The following GALNT13 variants were observed in gnomAD, a reference collection of about 807,000 sequenced individuals.
GALNT13 encodes the protein UDP-GalNAc:polypeptide N-acetylgalactosaminyltransferase 13.
GALNT13 carries 28 observed loss-of-function variants against 64.2 expected under a neutral mutation model. The ratio of observed to expected loss-of-function variants is 0.44; its 90% CI spans 0.32 to 0.60. GALNT13 has a LOEUF of 0.60. Among genes scored for constraint, GALNT13 ranks in the 20% least tolerant of loss-of-function variants. The pLI is 0.05. For missense variants in GALNT13, 577 were observed against 669.8 expected, an observed-to-expected ratio of 0.86 and a Z score of 1.53; for synonymous variants, 214 against 224.6, an observed-to-expected ratio of 0.95 and a Z score of 0.42.
At chr2:153,705,818 A>G in the GALNT13 span, among the ~76,000 whole-genome samples, 1 of 152,200 alleles carries the variant, frequency 6.6e-6, no homozygotes, top group Non-Finnish European at 1.5e-5. Context: ...GGCAAAGGTC[A>G]TGGATCAGAG....
At chr2:153,407,935 C>A in the GALNT13 span, among the ~76,000 whole-genome samples, 1 of 152,108 alleles carries the variant, frequency 6.6e-6, no homozygotes, top group Admixed American at 6.5e-5. Context: ...ATGGAAGGGG[C>A]ACTAGCAGTA....
At chr2:154,420,668 C>G (rs777071128) in intron 11 of GALNT13, among the ~76,000 whole-genome samples, 7 of 152,090 alleles carry the variant, frequency 4.6e-5, no homozygotes, top group African/African-American at 9.7e-5. Context: ...CACCCTTAGA[C>G]TAGCTGTATG....
chr2:153,315,180 T>A, the GALNT13 span, among the ~76,000 whole-genome samples: 1 of 152,226 alleles, frequency 6.6e-6, no homozygotes, highest in Non-Finnish European at 1.5e-5. Context: ...CAACAACCTT[T>A]TTTTGTTCAT....
chr2:153,898,856 C>CAAAA (rs35168611), intron 1 of GALNT13, among the ~76,000 whole-genome samples: 2 of 99,358 alleles, frequency 2.0e-5, no homozygotes, highest in South Asian at 3.2e-4. Context: ...AGTTGCACAG[C>CAAAA]AAAAAAAAAA....
At chr2:153,164,419 T>C in the GALNT13 span, among the ~76,000 whole-genome samples, 2 of 152,106 alleles carry the variant, frequency 1.3e-5, no homozygotes, top group African/African-American at 4.8e-5. Flanking sequence ...CTTGAGAAAA[T>C]GTCTTTATGA....
intron 9 of GALNT13, among the ~76,000 whole-genome samples, chr2:154,374,879 A>T (rs1371200378): frequency 6.6e-6 from 1 of 152,270 alleles, no homozygotes; most frequent in Non-Finnish European, 1.5e-5. Flanking sequence ...TAATAGATAG[A>T]TAGTGATTTA....
chr2:154,242,487 T>C (rs1689547789), intron 5 of GALNT13, among the ~76,000 whole-genome samples: 1 of 152,034 alleles, frequency 6.6e-6, no homozygotes, highest in South Asian at 2.1e-4. Context: ...TCCAACTCAA[T>C]TGATTATATT....
At chr2:153,221,488 A>G in the GALNT13 span, among the ~76,000 whole-genome samples, 1 of 152,196 alleles carries the variant, frequency 6.6e-6, no homozygotes, top group South Asian at 2.1e-4. Context: ...AAAGATTATC[A>G]TGGATACAGA....
chr2:154,450,576 A>G lies in GALNT13; in HGVS notation c.*25A>G, dbSNP rs778819349. ...AAGATCATGTCCTCCAAGCCATGAA[A>G]GTGTCTACGCTTTTGTTTTTCCATT... On this transcript the variant is annotated 3_prime_UTR_variant, in exon 13 of 13. Coordinates refer to ENST00000392825, the MANE Select transcript of GALNT13 (RefSeq NM_052917.4). 13 of 1,561,284 alleles carry G rather than the reference A, an allele frequency of 8.3e-6. 1 individual carries two copies. Among genetic ancestry groups the G allele is most frequent in the Middle Eastern group, 1.7e-4 (1 of 5,786 alleles).
the GALNT13 span, among the ~76,000 whole-genome samples, chr2:153,226,199 TG>T: frequency 6.6e-6 from 1 of 152,030 alleles, no homozygotes; most frequent in Non-Finnish European, 1.5e-5. Context: ...CCCAAAGTGC[TG>T]GGATTACAGG....
chr2:153,846,843 G>A, the GALNT13 span, among the ~76,000 whole-genome samples: 1 of 152,234 alleles, frequency 6.6e-6, no homozygotes, highest in South Asian at 2.1e-4. Flanking sequence ...GGCATAATTT[G>A]CATGTCTATA....
chr2:153,845,285 C>T, the GALNT13 span, among the ~76,000 whole-genome samples: 1 of 152,186 alleles, frequency 6.6e-6, no homozygotes, highest in Non-Finnish European at 1.5e-5. Context: ...GCAAGATTTT[C>T]AGGAAGCACG....
At chr2:154,100,014 A>G (rs1262754125) in intron 3 of GALNT13, among the ~76,000 whole-genome samples, 1 of 152,224 alleles carries the variant, frequency 6.6e-6, no homozygotes, top group East Asian at 1.9e-4. Flanking sequence ...AAGAGCAGTT[A>G]GCTATAGTTA....
the GALNT13 span, among the ~76,000 whole-genome samples, chr2:153,107,655 G>T: frequency 6.6e-6 from 1 of 152,092 alleles, no homozygotes; most frequent in Non-Finnish European, 1.5e-5. Context: ...ATTTGTATTT[G>T]CCTTTGGAAG....
At chr2:153,437,066 C>T in the GALNT13 span, among the ~76,000 whole-genome samples, 3 of 152,022 alleles carry the variant, frequency 2.0e-5, no homozygotes, top group African/African-American at 7.2e-5. Flanking sequence ...TTTATTTTAG[C>T]CTTCATTTCG....
At chr2:153,799,295 G>A in the GALNT13 span, among the ~76,000 whole-genome samples, 1 of 152,070 alleles carries the variant, frequency 6.6e-6, no homozygotes, top group Middle Eastern at 3.2e-3. Context: ...AAATGAAAAG[G>A]ACAGCTGCAT....
intron 3 of GALNT13, among the ~76,000 whole-genome samples, chr2:154,025,717 C>G (rs1296080836): frequency 2.6e-5 from 4 of 152,134 alleles, no homozygotes; most frequent in Non-Finnish European, 5.9e-5. Flanking sequence ...CATTTTGACA[C>G]AACTAACCAG....
intron 1 of GALNT13, among the ~76,000 whole-genome samples, chr2:153,878,273 T>C (rs1384576344): frequency 6.6e-6 from 1 of 152,186 alleles, no homozygotes; most frequent in Non-Finnish European, 1.5e-5. Context: ...TTCCACATTG[T>C]ACTCATTTTC....
chr2:153,398,565 C>T, the GALNT13 span, among the ~76,000 whole-genome samples: 2 of 151,976 alleles, frequency 1.3e-5, no homozygotes, highest in African/African-American at 4.8e-5. Context: ...CCTATTTCTC[C>T]ACATCCTCTC....
Sources: gnomAD v4.1 joint callset for allele counts (sites outside exome capture counted in the v4.1 genomes callset) on GRCh38, gnomAD v4.1.1 for gene constraint, MANE v1.5 for transcripts, NCBI Gene and HGNC (gene_info 2026-07-23, HGNC 2026-07-21) for gene names.